NT5DC2: variants seen among roughly 807,000 people sequenced by gnomAD.
NT5DC2 encodes the protein 5'-nucleotidase domain containing 2, also known as 5'-nucleotidase domain-containing protein 2.
In NT5DC2, 41 loss-of-function variants were observed where a neutral mutation model predicts 70.0. The observed-to-expected ratio is 0.59, with a 90% CI of 0.46 to 0.76. The LOEUF is 0.76. Among genes scored for constraint, NT5DC2 ranks in the 30% least tolerant of loss-of-function variants. The pLI is 0.00. For synonymous variants in NT5DC2, 299 were observed against 310.4 expected (o/e 0.96, Z 0.39); for missense variants, 705 against 783.2 (o/e 0.90, Z 1.19).
At position 52,524,705 on chromosome 3, in the gene NT5DC2, G is replaced by C; in HGVS notation, c.1439C>G (p.Ala480Gly). The C allele has an allele frequency of 6.2e-7, 1 of 1,612,754 alleles. No homozygotes were observed. ...GGTGCGGAAGATGCTGCCGAACTGC[G>C]CATTGAACAGGGCCTTGGTGATGCA... ...LRCITKALFN[A>G]QFGSIFRTFH... is the part of the protein sequence containing the mutation. Residue 480 changes from alanine to glycine, a missense_variant, in exon 14 of 14, where the codon GCG becomes GGG. Physicochemically the swap from Ala to Gly is moderately conservative, Grantham distance 60. Coordinates refer to ENST00000422318, the MANE Select transcript of NT5DC2 (RefSeq NM_001134231.2).
Position 52,525,066 on chromosome 3 carries a change from A to T in NT5DC2, c.1244T>A (p.Ile415Asn). The T allele has an allele frequency of 6.6e-7, 1 of 1,509,596 alleles. No individual in the cohort carries two copies. 93.5% of individuals were successfully genotyped at this position (1,509,596 alleles called of 1,614,324 possible). Reference protein sequence around the residue: ...MLRHGWRTGAIIPELEREIRI... With the variant: ...MLRHGWRTGANIPELEREIRI... ...GATCTCACGCTCCAGCTCGGGGATG[A>T]TGGCGCCTGTGCGCCAGCCGTGCCG... Residue 415 changes from isoleucine to asparagine, a missense_variant, in exon 12 of 14, where the codon ATC (isoleucine) becomes AAC (asparagine). By Grantham distance (149) the Ile-to-Asn change is moderately radical (BLOSUM62 -3). Coordinates refer to ENST00000422318, the MANE Select transcript of NT5DC2 (RefSeq NM_001134231.2).
Position 52,525,086 on chromosome 3 carries a change from G to A in NT5DC2, c.1224C>T (p.His408=), listed in dbSNP as rs369876374. The part of the protein sequence containing the change: ...YSDLADLMLR[H]GWRTGAIIPE... ...GGATGATGGCGCCTGTGCGCCAGCC[G>A]TGCCGCAGCATGAGATCCTGGTGGG... Residue 408 remains histidine, a synonymous_variant, in exon 12 of 14, where the codon CAC becomes CAT. Transcript: ENST00000422318. 1,069 of 1,570,390 alleles carry A rather than the reference G, an allele frequency of 6.8e-4. 1 individual carries two copies. The highest frequency in any genetic ancestry group is 8.5e-4 in the Non-Finnish European group (980 of 1,157,614).
Position 52,529,179 on chromosome 3 carries a change from C to T in NT5DC2, c.388G>A (p.Ala130Thr), listed in dbSNP as rs148933446. 18 of 1,613,920 alleles carry T rather than the reference C, an allele frequency of 1.1e-5. No individual in the cohort carries two copies. The highest frequency in any genetic ancestry group is 6.7e-5 in the African/African-American group (5 of 74,904). ...DALHPEIFST[A>T]RDILIEHYKY... ...TAGTGCTCGATCAGGATGTCACGGGCGGTACTGAAGATCTCGGGGTGCAGT... is the reference window on the plus strand; with the variant it reads ...TAGTGCTCGATCAGGATGTCACGGGTGGTACTGAAGATCTCGGGGTGCAGT... Residue 130 changes from alanine (A) to threonine (T), a missense_variant, in exon 2 of 14, where the codon GCC (alanine) becomes ACC (threonine). Coordinates refer to ENST00000422318, the MANE Select transcript of NT5DC2 (RefSeq NM_001134231.2). The surrounding 1 kb of genome is among the most constrained non-coding windows in gnomAD (Gnocchi z 4.1).
upstream of NT5DC2, chr3:52,534,008 C>T: frequency 7.8e-6 from 2 of 256,006 alleles, no homozygotes; most frequent in South Asian, 9.9e-5. Flanking sequence ...GAGGACTCTG[C>T]GCCCCCCTTC....
rs2079336612 is a variant in NT5DC2 at position 52,529,844 on chromosome 3, C to CCCG, written c.233-511_233-510insCGG. On this transcript the variant is annotated intron_variant, in intron 1 of 13. Coordinates refer to ENST00000422318, the MANE Select transcript of NT5DC2 (RefSeq NM_001134231.2). This position sits in a 1 kb window ranked among gnomAD's most constrained non-coding sequence, Gnocchi z 4.1. The stretch of plus-strand genomic sequence containing the variant: ...TCCTCTCAGCTGCCCTGCCCTGCCC[C>CCCG]CTGGCCTCATCTCTCAGCCTCCCTG... 5.8e-6 allele frequency: 1 copy of CCCG among 171,516 alleles called. No individual in the cohort carries two copies. The highest frequency in any genetic ancestry group is 2.4e-5 in the African/African-American group (1 of 42,120). The allele number at this position is 171,516 out of a possible 1,614,324, so 10.6% of individuals were successfully genotyped here.
Position 52,533,807 on chromosome 3 carries a change from G to C in NT5DC2, c.-70C>G. 1 of 977,680 alleles carries C rather than the reference G, an allele frequency of 1.0e-6. No homozygotes were observed. The highest frequency in any genetic ancestry group is 1.8e-5 in the African/African-American group (1 of 56,542). The allele number at this position is 977,680 out of a possible 1,614,324, so 60.6% of individuals were successfully genotyped here. A position where few individuals can be genotyped will look rare whatever the true frequency, so the allele number is the denominator to read the frequency against. ...CGCCGCCCGCCGCCCGCCGCCCTCC[G>C]ACTGCGCGCCCGCCACGGTGGCCTC... On this transcript the variant is annotated 5_prime_UTR_variant, in exon 1 of 14. Coordinates refer to ENST00000422318, the MANE Select transcript of NT5DC2 (RefSeq NM_001134231.2).
rs1294700491 is a variant in NT5DC2, at chr3:52,529,211, G to A, written c.356C>T (p.Ala119Val). 6.2e-7 allele frequency: 1 copy of A among 1,614,066 alleles called. No individual in the cohort carries two copies. The highest frequency in any genetic ancestry group is 1.7e-5 in the Admixed American group (1 of 60,008). ...FDYDYTLAQY[A>V]DALHPEIFST... ...GAAGATCTCGGGGTGCAGTGCGTCT[G>A]CATACTGGGCCAGGGTGTAGTCGTA... Residue 119 changes from alanine (A) to valine (V), a missense_variant, in exon 2 of 14, where the codon GCA (alanine) becomes GTA (valine). Physicochemically the swap from Ala to Val is moderately conservative, Grantham distance 64. Coordinates refer to ENST00000422318, the MANE Select transcript of NT5DC2 (RefSeq NM_001134231.2). The surrounding 1 kb of genome is among the most constrained non-coding windows in gnomAD (Gnocchi z 4.1).
chr3:52,527,360 G>C lies in NT5DC2; in HGVS notation c.1053C>G (p.Leu351=), dbSNP rs375812674. Residue 351 remains leucine (L), a synonymous_variant, in exon 10 of 14, where the codon CTC becomes CTG. Coordinates refer to ENST00000422318, the MANE Select transcript of NT5DC2 (RefSeq NM_001134231.2). ...CCCACTGAAGTGAGCCCTTCTCATC[G>C]AGTTTTCTGAAAGGCCTGGGGTGCA... ...FTDRRKPFRK[L]DEKGSLQWDR... 10 of 1,614,012 alleles carry C rather than the reference G, an allele frequency of 6.2e-6. No individual in the cohort carries two copies. The highest frequency in any genetic ancestry group is 2.2e-5 in the East Asian group (1 of 44,898).
At position 52,528,203 on chromosome 3, in the gene NT5DC2, G is replaced by A. The variant is rs756486787; in HGVS notation, c.751C>T (p.His251Tyr). ...LGHSLEFDQA[H>Y]LYKDVTDAIR... ...CTCACCGTCACGTCCTTGTAGAGATGTGCTTGGTCAAACTCCAGGCTGTGG... is the reference window on the plus strand; with the variant it reads ...CTCACCGTCACGTCCTTGTAGAGATATGCTTGGTCAAACTCCAGGCTGTGG... The change falls in exon 6 of 14, where the codon CAT becomes TAT. Residue 251 changes from histidine (H) to tyrosine (Y), a missense_variant. His to Tyr is a moderately conservative substitution (Grantham distance 83). Coordinates refer to ENST00000422318, the MANE Select transcript of NT5DC2 (RefSeq NM_001134231.2). 11 of 1,613,264 alleles carry A rather than the reference G, an allele frequency of 6.8e-6. No homozygotes were observed. The highest frequency in any genetic ancestry group is 1.3e-5 in the African/African-American group (1 of 75,056).
rs1370217721 is a variant in NT5DC2 at position 52,528,271 on chromosome 3, G to A, written c.683C>T (p.Pro228Leu). Residue 228 changes from proline (P) to leucine (L), a missense_variant, in exon 6 of 14, where the codon CCG becomes CTG. By Grantham distance (98) the Pro-to-Leu change is moderately conservative. Coordinates refer to ENST00000422318, the MANE Select transcript of NT5DC2 (RefSeq NM_001134231.2). ...CACACAGGACAGCAGAGCCATCTCC[G>A]GTAGCGAGAAGATGTCCATGAACTG... is the stretch of plus-strand genomic sequence containing the variant. ...IKQFMDIFSL[P>L]EMALLSCVVD... 7 of 1,613,428 alleles carry A rather than the reference G, an allele frequency of 4.3e-6. No individual in the cohort carries two copies. The highest frequency in any genetic ancestry group is 2.2e-5 in the South Asian group (2 of 91,076).
At position 52,533,755 on chromosome 3, in the gene NT5DC2, C is replaced by G; in HGVS notation, c.-18G>C. 1.0e-6 allele frequency: 1 copy of G among 971,984 alleles called. No individual in the cohort carries two copies. The highest frequency in any genetic ancestry group is 1.2e-6 in the Non-Finnish European group (1 of 822,470). 60.2% of individuals were successfully genotyped at this position (971,984 alleles called of 1,614,324 possible). On this transcript the variant is annotated 5_prime_UTR_variant, in exon 1 of 14. Transcript: ENST00000422318. ...CCCGCCATGCCCACCGCGCGCCGCCCGCCGCCCGCGCTGCCCTCGGCCAGC... is the reference window on the plus strand; with the variant it reads ...CCCGCCATGCCCACCGCGCGCCGCCGGCCGCCCGCGCTGCCCTCGGCCAGC...
chr3:52,524,827 GC>G lies in NT5DC2; in HGVS notation c.1401del (p.Gln468ArgfsTer3). 1 of 1,612,618 alleles carries G rather than the reference GC, an allele frequency of 6.2e-7. No individual in the cohort carries two copies. The highest frequency in any genetic ancestry group is 8.5e-7 in the Non-Finnish European group (1 of 1,179,988). ...RQVLAAWMKERQELRCITKAL... is the reference protein window; with the variant it reads ...RQVLAAWMKEXQELRCITKAL... ...GCCCCACCTGCTCACCTCAGCTCCT[GC>G]CGCTCTTTCATCCAGGCAGCCAGCA... On this transcript the variant is annotated frameshift_variant, in exon 13 of 14. Transcript: ENST00000422318. LOFTEE classifies it high-confidence loss of function.
At position 52,525,198 on chromosome 3, in the gene NT5DC2, G is replaced by GCCTC. The variant is rs755111622; in HGVS notation, c.1206+7_1206+10dup. The GCCTC allele has an allele frequency of 6.2e-7, 1 of 1,608,866 alleles. No homozygotes were observed. The highest frequency in any genetic ancestry group is 1.7e-5 in the Admixed American group (1 of 59,784). ...CCCTCCCCCACTGCAGCCCAGCCCT[G>GCCTC]CCTCCCTCACCGCCAGATCACTATA... On this transcript the variant is annotated intron_variant, in intron 11 of 13. Transcript: ENST00000422318.
At chr3:52,532,790 C>A (rs2079378299) in intron 1 of NT5DC2, among the ~76,000 whole-genome samples, 1 of 152,102 alleles carries the variant, frequency 6.6e-6, no homozygotes, top group African/African-American at 2.4e-5. Context: ...CCCCACTAGA[C>A]CCACGGAGAC....
At position 52,524,657 on chromosome 3, in the gene NT5DC2, G is replaced by C; in HGVS notation, c.1487C>G (p.Ser496Ter). 1 of 1,613,102 alleles carries C rather than the reference G, an allele frequency of 6.2e-7. No individual in the cohort carries two copies. Among genetic ancestry groups the C allele is most frequent in the South Asian group, 1.1e-5 (1 of 91,092 alleles). ...FRTFHNPTYFSRRLVRFSDLY... is the reference protein window; with the variant it reads ...FRTFHNPTYF ...GTCAGAGAAGCGCACGAGGCGCCTT[G>C]AGAAGTAGGTGGGGTTGTGGAAGGT... The change falls in exon 14 of 14, where the codon TCA becomes TGA. Residue 496 changes from serine to a stop codon, truncating the protein, a stop_gained. Transcript: ENST00000422318. LOFTEE classifies it high-confidence loss of function.
At chr3:52,528,987 G>A in intron 2 of NT5DC2, 52 bp from the exon 3 acceptor site, 1 of 1,606,712 alleles carries the variant, frequency 6.2e-7, no homozygotes, top group Non-Finnish European at 8.5e-7. Context: ...CAGACCTGCT[G>A]GCTGGGTGGC....
chr3:52,524,624 A>G lies in NT5DC2; in HGVS notation c.1520T>C (p.Met507Thr), dbSNP rs758694842. 1.2e-6 allele frequency: 2 copies of G among 1,613,172 alleles called. No individual in the cohort carries two copies. Among genetic ancestry groups the G allele is most frequent in the Non-Finnish European group, 1.7e-6 (2 of 1,180,030 alleles). The change falls in exon 14 of 14, where the codon ATG (methionine) becomes ACG (threonine). Residue 507 changes from methionine (M) to threonine (T), a missense_variant. By Grantham distance (81) the Met-to-Thr change is moderately conservative (BLOSUM62 -1). Coordinates refer to ENST00000422318, the MANE Select transcript of NT5DC2 (RefSeq NM_001134231.2). ...GTTGAGCAGGCAGCTGAGGGAGGCCATGTAGAGGTCAGAGAAGCGCACGAG... is the reference window on the plus strand; with the variant it reads ...GTTGAGCAGGCAGCTGAGGGAGGCCGTGTAGAGGTCAGAGAAGCGCACGAG... The part of the protein sequence containing the change: ...RRLVRFSDLY[M>T]ASLSCLLNYR...
intron 1 of NT5DC2, chr3:52,532,594 TG>T (rs2079375752): frequency 7.6e-6 from 6 of 785,534 alleles, no homozygotes; most frequent in African/African-American, 1.9e-5. Flanking sequence ...ACGTCACCCC[TG>T]GGGGTTCCTC....
Position 52,529,142 on chromosome 3 carries a change from C to T in NT5DC2, c.417+8G>A, listed in dbSNP as rs773125804. On this transcript the variant is annotated splice_region_variant and intron_variant, in intron 2 of 13. Transcript: ENST00000422318. This position sits in a 1 kb window ranked among gnomAD's most constrained non-coding sequence, Gnocchi z 4.1. ...TGGGTTTGTTGGTGGCAAGGACCCCCGTCTCACCTTGTAGTGCTCGATCAG... is the reference window on the plus strand; with the variant it reads ...TGGGTTTGTTGGTGGCAAGGACCCCTGTCTCACCTTGTAGTGCTCGATCAG... 1.1e-5 allele frequency: 17 copies of T among 1,613,840 alleles called. No individual in the cohort carries two copies. Among genetic ancestry groups the T allele is most frequent in the Middle Eastern group, 1.6e-4 (1 of 6,084 alleles).
Sources: allele counts gnomAD v4.1 joint callset (sites outside exome capture counted in the v4.1 genomes callset), GRCh38; gene constraint gnomAD v4.1.1; non-coding constraint Gnocchi (gnomAD v3.1); transcripts MANE v1.5; gene names NCBI Gene and HGNC (gene_info 2026-07-23, HGNC 2026-07-21).